The following ADAM22 variants were observed in gnomAD, a reference collection of about 807,000 sequenced individuals.
ADAM22 encodes the protein ADAM metallopeptidase domain 22, also known as disintegrin and metalloproteinase domain-containing protein 22.
A neutral mutation model predicts 144.6 loss-of-function variants in ADAM22; 65 were observed. The observed-to-expected ratio is 0.45, with a 90% CI of 0.37 to 0.55. The LOEUF (loss-of-function observed/expected upper bound fraction) is 0.55. Ranked by LOEUF, ADAM22 falls within the 20% of genes least tolerant of loss-of-function variation. The pLI is 0.00. For missense variants in ADAM22, 974 were observed against 1,184.9 expected, an observed-to-expected ratio of 0.82 and a Z score of 2.61; for synonymous variants, 391 against 412.6, an observed-to-expected ratio of 0.95 and a Z score of 0.63.
chr7:88,085,770 A>G (rs1818285680), intron 4 of ADAM22, among the ~76,000 whole-genome samples: 1 of 152,176 alleles, frequency 6.6e-6, no homozygotes, highest in African/African-American at 2.4e-5. Context: ...CTCCTCTTGT[A>G]AGATTTGTAA....
In ADAM22 at chr7:87,944,138, A is replaced by AT. The variant is rs113907480; in HGVS notation, c.246+8964dup. 2.6e-3 allele frequency among the ~76,000 whole-genome samples: 354 copies of AT among 137,782 alleles called. 2 individuals are homozygous for AT. The highest frequency in any genetic ancestry group is 8.1e-3 in the East Asian group (39 of 4,788). The allele number at this position is 137,782 out of a possible 152,430, so 90.4% of individuals were successfully genotyped here. A position where few individuals can be genotyped will look rare whatever the true frequency, so the allele number is the denominator to read the frequency against. On this transcript the variant is annotated intron_variant, in intron 2 of 31. Coordinates refer to ENST00000413139, the MANE Select transcript of ADAM22 (RefSeq NM_001324418.2). ...AGTTGGTCAATTTCTATTCTGCTTT[A>AT]TTTTTTTTTTTTCAATTTGCCTTTT...
At chr7:88,119,677 C>T (rs1828755089) in intron 7 of ADAM22, among the ~76,000 whole-genome samples, 1 of 152,140 alleles carries the variant, frequency 6.6e-6, no homozygotes, top group Non-Finnish European at 1.5e-5. Flanking sequence ...TTAGTAGAGA[C>T]AGGGTTTCAC....
intron 14 of ADAM22, among the ~76,000 whole-genome samples, chr7:88,137,874 C>G (rs1446810703): frequency 6.6e-6 from 1 of 152,102 alleles, no homozygotes; most frequent in Admixed American, 6.6e-5. Flanking sequence ...ATTTTTCCAG[C>G]CAGGCATGGT....
At chr7:88,041,526 T>C (rs1413668410) in intron 3 of ADAM22, among the ~76,000 whole-genome samples, 2 of 152,000 alleles carry the variant, frequency 1.3e-5, no homozygotes, top group Non-Finnish European at 2.9e-5. Context: ...TTATCTTAAA[T>C]CTGTCTTTGT....
intron 3 of ADAM22, among the ~76,000 whole-genome samples, chr7:87,984,313 C>T (rs183511184): frequency 1.6e-4 from 24 of 152,254 alleles, no homozygotes; most frequent in African/African-American, 4.3e-4. Flanking sequence ...TAGTGATGCC[C>T]GCTAACATCT....
At chr7:88,130,754 G>A (rs182223371) in intron 10 of ADAM22, among the ~76,000 whole-genome samples, 3 of 152,182 alleles carry the variant, frequency 2.0e-5, no homozygotes, top group Admixed American at 6.6e-5. Flanking sequence ...GACTTATAAC[G>A]ATGGAGAAAC....
In ADAM22 at chr7:88,051,531, C is replaced by T. The variant is rs555679320; in HGVS notation, c.324-24095C>T. Reference sequence around the variant, plus strand: ...ACATATGGACACAGGGTGGGGAACACCACACACCGGGGCCTGTTGTGGGGT... The same window carrying T: ...ACATATGGACACAGGGTGGGGAACATCACACACCGGGGCCTGTTGTGGGGT... On this transcript the variant is annotated intron_variant, in intron 3 of 31. Transcript: ENST00000413139. 8.6e-5 allele frequency among the ~76,000 whole-genome samples: 13 copies of T among 151,902 alleles called. No individual in the cohort carries two copies. In the South Asian group the frequency reaches 1.0e-3, roughly 12 times the overall value.
intron 3 of ADAM22, among the ~76,000 whole-genome samples, chr7:88,057,381 T>C (rs745319998): frequency 6.6e-6 from 1 of 152,250 alleles, no homozygotes; most frequent in Non-Finnish European, 1.5e-5. Context: ...TGACTAATTA[T>C]TTGTTAATCA....
At chr7:87,997,168 C>T (rs1046395839) in intron 3 of ADAM22, among the ~76,000 whole-genome samples, 1 of 152,042 alleles carries the variant, frequency 6.6e-6, no homozygotes, top group Non-Finnish European at 1.5e-5. Context: ...GTTTCAAAGC[C>T]GTATTCATGT....
At chr7:88,163,386 T>C (rs1318363287) in intron 23 of ADAM22, among the ~76,000 whole-genome samples, 1 of 152,112 alleles carries the variant, frequency 6.6e-6, no homozygotes, top group Non-Finnish European at 1.5e-5. Flanking sequence ...GAATAATCTT[T>C]CTAACCAAAT....
At chr7:87,943,624 G>T (rs1483725455) in intron 2 of ADAM22, among the ~76,000 whole-genome samples, 1 of 152,032 alleles carries the variant, frequency 6.6e-6, no homozygotes, top group Non-Finnish European at 1.5e-5. Flanking sequence ...TTTTAAAATA[G>T]AAGTTTGTTT....
At chr7:87,982,068 T>TATATATATATATACAC (rs1244517564) in intron 3 of ADAM22, among the ~76,000 whole-genome samples, 40 of 93,718 alleles carry the variant, frequency 4.3e-4, no homozygotes, top group African/African-American at 1.7e-3. Context: ...TATATATATA[T>TATATATATATATACAC]ACACACACAC....
chr7:88,074,203 A>G (rs530074561), intron 3 of ADAM22, among the ~76,000 whole-genome samples: 1 of 152,310 alleles, frequency 6.6e-6, no homozygotes, highest in South Asian at 2.1e-4. Flanking sequence ...GTACATATGT[A>G]TATTTAGTGT....
chr7:88,117,499 G>A (rs1291780448), intron 7 of ADAM22, among the ~76,000 whole-genome samples: 1 of 152,158 alleles, frequency 6.6e-6, no homozygotes, highest in African/African-American at 2.4e-5. Context: ...ATGACAGGAA[G>A]GGCAGTGCAT....
chr7:88,158,330 A>AT (rs975961978), intron 22 of ADAM22, among the ~76,000 whole-genome samples: 1 of 152,160 alleles, frequency 6.6e-6, no homozygotes, highest in African/African-American at 2.4e-5. Flanking sequence ...CACTGATAGT[A>AT]TTAGATAGAT....
intron 2 of ADAM22, among the ~76,000 whole-genome samples, chr7:87,940,278 C>A (rs1038835707): frequency 2.7e-5 from 4 of 150,720 alleles, no homozygotes; most frequent in African/African-American, 7.3e-5. Context: ...ATCAAAACAT[C>A]ACTATGTACC....
chr7:88,145,268 T>C, intron 16 of ADAM22, 72 bp downstream of exon 16: 2 of 1,543,878 alleles, frequency 1.3e-6, no homozygotes, highest in South Asian at 1.1e-5. Context: ...CACTGAGATG[T>C]ATGGAGCAAA....
Position 88,086,687 on chromosome 7 carries a change from T to C in ADAM22, c.390+10995T>C, listed in dbSNP as rs1046336451. Among the ~76,000 whole-genome samples, 3 of 152,184 alleles carry C rather than the reference T, an allele frequency of 2.0e-5. No homozygotes were observed. In the East Asian group the frequency reaches 5.8e-4, roughly 29 times the overall value. ...AAAGTAAAGCCTCAACTAATCAGAA[T>C]ACCTTGGGAATACAACTTTAATTCT... On this transcript the variant is annotated intron_variant, in intron 4 of 31. Coordinates refer to ENST00000413139, the MANE Select transcript of ADAM22 (RefSeq NM_001324418.2).
chr7:88,196,238 T>C (rs1225144160), intron 31 of ADAM22, among the ~76,000 whole-genome samples: 1 of 152,230 alleles, frequency 6.6e-6, no homozygotes, highest in African/African-American at 2.4e-5. Flanking sequence ...GAGGATGTGA[T>C]GGTTTTTGTA....
Sources: allele counts gnomAD v4.1 joint callset (sites outside exome capture counted in the v4.1 genomes callset), GRCh38; gene constraint gnomAD v4.1.1; transcripts MANE v1.5; gene names NCBI Gene and HGNC (gene_info 2026-07-23, HGNC 2026-07-21).